The following TRPM3 variants were observed in gnomAD, a reference collection of about 807,000 sequenced individuals.
TRPM3 encodes the protein transient receptor potential cation channel subfamily M member 3.
TRPM3 carries 77 observed loss-of-function variants against 181.2 expected under a neutral mutation model. The observed-to-expected ratio is 0.42, with a 90% CI of 0.35 to 0.51. The LOEUF is 0.51. TRPM3 is among the 20% of genes least tolerant of loss of function. The pLI is 0.01. For synonymous variants in TRPM3, 745 were observed against 796.4 expected (o/e 0.94, Z 1.09); for missense variants, 1,759 against 2,196.7 (o/e 0.80, Z 3.98).
chr9:70,796,148 C>T (rs1209956075), intron 6 of TRPM3, among the ~76,000 whole-genome samples: 1 of 152,188 alleles, frequency 6.6e-6, no homozygotes, highest in East Asian at 1.9e-4. Flanking sequence ...TTATAATACG[C>T]TACCCATGTT....
intron 1 of TRPM3, among the ~76,000 whole-genome samples, chr9:71,015,609 T>G (rs767297251): frequency 6.6e-5 from 10 of 152,230 alleles, no homozygotes; most frequent in Non-Finnish European, 1.5e-4. Context: ...TATTCTGTTT[T>G]GATGACATTT....
chr9:71,182,736 A>G (rs1356542892), intron 1 of TRPM3, among the ~76,000 whole-genome samples: 6 of 152,072 alleles, frequency 3.9e-5, no homozygotes, highest in Non-Finnish European at 8.8e-5. Context: ...ATCTTGGCTC[A>G]TTGCAACCTC....
At chr9:71,184,188 T>C (rs1486154428) in intron 1 of TRPM3, among the ~76,000 whole-genome samples, 1 of 152,034 alleles carries the variant, frequency 6.6e-6, no homozygotes, top group Non-Finnish European at 1.5e-5. Flanking sequence ...CATGATGAGA[T>C]ATTGCTATTA....
intron 8 of TRPM3, among the ~76,000 whole-genome samples, chr9:70,747,878 T>G (rs190037288): frequency 7.8e-4 from 119 of 151,726 alleles, no homozygotes; most frequent in African/African-American, 2.7e-3. Context: ...TGAGTGAGAG[T>G]GGAACTTGGA....
At chr9:71,216,012 T>C (rs751628727) in intron 1 of TRPM3, among the ~76,000 whole-genome samples, 2 of 152,162 alleles carry the variant, frequency 1.3e-5, no homozygotes, top group African/African-American at 2.4e-5. Flanking sequence ...CCTGCAGAGT[T>C]CCATGAAAAA....
upstream of TRPM3, among the ~76,000 whole-genome samples, chr9:71,126,381 T>C (rs1055193115): frequency 6.6e-6 from 1 of 152,188 alleles, no homozygotes; most frequent in Admixed American, 6.5e-5. Context: ...TCATGAACTT[T>C]ATGGCAATTT....
At chr9:71,325,844 G>T (rs2089645686) in intron 1 of TRPM3, among the ~76,000 whole-genome samples, 1 of 151,800 alleles carries the variant, frequency 6.6e-6, no homozygotes, top group East Asian at 1.9e-4. Flanking sequence ...TTTTCTATTG[G>T]CACTTTTTCT....
intron 1 of TRPM3, among the ~76,000 whole-genome samples, chr9:71,402,287 G>A (rs530460717): frequency 1.3e-5 from 2 of 152,256 alleles, no homozygotes; most frequent in Admixed American, 1.3e-4. Flanking sequence ...AGTAGTCAAC[G>A]AAGAATTATA....
At chr9:71,368,128 T>TG (rs2092400335) in intron 1 of TRPM3, among the ~76,000 whole-genome samples, 1 of 151,896 alleles carries the variant, frequency 6.6e-6, no homozygotes, top group Non-Finnish European at 1.5e-5. Context: ...CCAAGATTTT[T>TG]TTTTTAGATG....
At chr9:71,183,491 C>A (rs1234440081) in intron 1 of TRPM3, among the ~76,000 whole-genome samples, 1 of 152,104 alleles carries the variant, frequency 6.6e-6, no homozygotes, top group Non-Finnish European at 1.5e-5. Context: ...GCTGCTTCTC[C>A]TGCAAATCAC....
At chr9:70,695,927 G>A (rs774497698) in intron 8 of TRPM3, among the ~76,000 whole-genome samples, 1 of 152,148 alleles carries the variant, frequency 6.6e-6, no homozygotes, top group Non-Finnish European at 1.5e-5. Context: ...CTGCTTATCT[G>A]CATCCTTTAA....
At chr9:71,260,412 T>G (rs2082962378) in intron 1 of TRPM3, among the ~76,000 whole-genome samples, 1 of 152,236 alleles carries the variant, frequency 6.6e-6, no homozygotes, top group South Asian at 2.1e-4. Flanking sequence ...TTTCTAATTT[T>G]GTGAAGGAAG....
intron 1 of TRPM3, among the ~76,000 whole-genome samples, chr9:71,031,604 A>G (rs1256371990): frequency 6.6e-6 from 1 of 152,016 alleles, no homozygotes; most frequent in Non-Finnish European, 1.5e-5. Context: ...TAATATTTTT[A>G]GTAATATTAA....
At chr9:70,657,185 A>G (rs1268067814) in intron 9 of TRPM3, among the ~76,000 whole-genome samples, 1 of 135,978 alleles carries the variant, frequency 7.4e-6, no homozygotes. Flanking sequence ...CTTTCTACAC[A>G]TTGGGCTTGA....
At chr9:71,186,747 T>G (rs1330052002) in intron 1 of TRPM3, among the ~76,000 whole-genome samples, 3 of 152,110 alleles carry the variant, frequency 2.0e-5, no homozygotes, top group Non-Finnish European at 2.9e-5. Context: ...ACTTAGTTCC[T>G]GTAAAAAGAA....
chr9:71,216,828 A>C (rs1399020467), intron 1 of TRPM3, among the ~76,000 whole-genome samples: 1 of 152,172 alleles, frequency 6.6e-6, no homozygotes, highest in Non-Finnish European at 1.5e-5. Flanking sequence ...ATCCCTAGGT[A>C]AACAGCAAAT....
At chr9:70,940,195 G>A (rs894592558) in intron 1 of TRPM3, among the ~76,000 whole-genome samples, 4 of 152,118 alleles carry the variant, frequency 2.6e-5, no homozygotes, top group African/African-American at 7.2e-5. Flanking sequence ...TTTCAGCCTC[G>A]TTAAAACCTT....
chr9:71,006,341 C>T (rs1445189264), intron 1 of TRPM3, among the ~76,000 whole-genome samples: 1 of 151,716 alleles, frequency 6.6e-6, no homozygotes, highest in African/African-American at 2.4e-5. Flanking sequence ...CCGTACTTAT[C>T]AATAATAACC....
chr9:71,296,655 C>T (rs1325011907), intron 1 of TRPM3, among the ~76,000 whole-genome samples: 1 of 151,998 alleles, frequency 6.6e-6, no homozygotes, highest in Non-Finnish European at 1.5e-5. Flanking sequence ...GAGCCCTAGG[C>T]AAATTATCTG....
Sources: gnomAD v4.1 joint callset for allele counts (sites outside exome capture counted in the v4.1 genomes callset) on GRCh38, gnomAD v4.1.1 for gene constraint, MANE v1.5 for transcripts, NCBI Gene and HGNC (gene_info 2026-07-23, HGNC 2026-07-21) for gene names.